The following LOC112694756 variants were observed in gnomAD, a reference collection of about 807,000 sequenced individuals.
the LOC112694756 span, among the ~76,000 whole-genome samples, chr16:30,061,045 C>T: frequency 2.0e-5 from 3 of 152,260 alleles, no homozygotes; most frequent in Non-Finnish European, 4.4e-5. Flanking sequence ...GTGACTGTCA[C>T]TACCTCTGCC....
the LOC112694756 span, among the ~76,000 whole-genome samples, chr16:30,065,172 G>A: frequency 4.6e-5 from 7 of 152,218 alleles, no homozygotes; most frequent in Non-Finnish European, 7.3e-5. Context: ...CGCTAGTTCC[G>A]CCGCCTTCTC....
the LOC112694756 span, among the ~76,000 whole-genome samples, chr16:30,053,820 G>C: frequency 1.3e-5 from 2 of 152,172 alleles, no homozygotes; most frequent in African/African-American, 2.4e-5. Context: ...TTTGGAAGAG[G>C]GGGAGGGAGA....
chr16:30,057,416 A>G, the LOC112694756 span, among the ~76,000 whole-genome samples: 1 of 152,202 alleles, frequency 6.6e-6, no homozygotes, highest in African/African-American at 2.4e-5. Flanking sequence ...TCAGGGGAGA[A>G]GCCTGGCTTG....
At chr16:30,068,380 T>C in the LOC112694756 span, 1 of 501,536 alleles carries the variant, frequency 2.0e-6, no homozygotes, top group African/African-American at 1.9e-5. Flanking sequence ...ACTAAATATT[T>C]TAATTGTAAC....
the LOC112694756 span, chr16:30,068,897 G>T: frequency 1.2e-6 from 2 of 1,614,244 alleles, no homozygotes; most frequent in Non-Finnish European, 1.7e-6. Flanking sequence ...GTGTGCTGAA[G>T]ATTGGGGAAC....
At chr16:30,069,453 T>C in the LOC112694756 span, 1 of 1,613,908 alleles carries the variant, frequency 6.2e-7, no homozygotes. Context: ...CTAACCCCTA[T>C]CCTCTCCTCC....
chr16:30,069,335 G>C, the LOC112694756 span: 1 of 1,614,200 alleles, frequency 6.2e-7, no homozygotes. Context: ...TGGAGCCTGA[G>C]ATCCTCCCTG....
the LOC112694756 span, chr16:30,070,322 TC>T: frequency 9.9e-7 from 1 of 1,010,124 alleles, no homozygotes; most frequent in Non-Finnish European, 1.5e-6. Context: ...CGCTCTTTCT[TC>T]CCTCGTGACA....
the LOC112694756 span, among the ~76,000 whole-genome samples, chr16:30,065,021 A>G: frequency 6.6e-6 from 1 of 152,260 alleles, no homozygotes; most frequent in East Asian, 1.9e-4. Context: ...CGGCCGGTGC[A>G]TAGCCGCGCA....
At chr16:30,056,916 T>G in the LOC112694756 span, among the ~76,000 whole-genome samples, 1 of 149,010 alleles carries the variant, frequency 6.7e-6, no homozygotes, top group Non-Finnish European at 1.5e-5. Flanking sequence ...TTGCCCTTTT[T>G]TTTTTTTTTT....
the LOC112694756 span, chr16:30,069,863 A>G: frequency 6.2e-7 from 1 of 1,614,116 alleles, no homozygotes; most frequent in Non-Finnish European, 8.5e-7. Context: ...CAGAGTGAGG[A>G]GGAGGCGTCC....
At chr16:30,067,650 G>T in the LOC112694756 span, 12 of 1,614,158 alleles carry the variant, frequency 7.4e-6, no homozygotes, top group Non-Finnish European at 1.0e-5. Context: ...GGGCGGTGTT[G>T]TGGGCATCAA....
At chr16:30,059,108 TG>T in the LOC112694756 span, 22 of 398,124 alleles carry the variant, frequency 5.5e-5, no homozygotes, top group East Asian at 7.8e-4. Flanking sequence ...AGGTCTGGGC[TG>T]GGGCTAGAGT....
the LOC112694756 span, among the ~76,000 whole-genome samples, chr16:30,056,806 G>T: frequency 6.6e-6 from 1 of 151,908 alleles, no homozygotes; most frequent in Admixed American, 6.6e-5. Flanking sequence ...TCATGTTGTT[G>T]CCCAGGCTGG....
chr16:30,067,787 T>G, the LOC112694756 span: 2 of 1,071,688 alleles, frequency 1.9e-6, no homozygotes, highest in Non-Finnish European at 2.8e-6. Context: ...GCTTCAGGCT[T>G]AGGGCATTTA....
chr16:30,060,101 C>T, the LOC112694756 span, among the ~76,000 whole-genome samples: 1 of 152,026 alleles, frequency 6.6e-6, no homozygotes, highest in African/African-American at 2.4e-5. Context: ...ACCTCAGCCT[C>T]CCAAGTAGCT....
At chr16:30,069,633 C>T in the LOC112694756 span, 92 of 1,613,850 alleles carry the variant, frequency 5.7e-5, no homozygotes, top group East Asian at 6.2e-4. Context: ...CCATGGCGAC[C>T]GTCACAGCGC....
chr16:30,056,253 C>T, the LOC112694756 span, among the ~76,000 whole-genome samples: 2 of 146,068 alleles, frequency 1.4e-5, no homozygotes, highest in African/African-American at 2.5e-5. Context: ...GGAATACAGG[C>T]GTGTGCCACC....
At chr16:30,069,821 G>T in the LOC112694756 span, 3 of 1,614,048 alleles carry the variant, frequency 1.9e-6, no homozygotes, top group Admixed American at 5.0e-5. Context: ...CCTCACCCCT[G>T]CTCTACAGGG....
Sources: allele counts gnomAD v4.1 joint callset (sites outside exome capture counted in the v4.1 genomes callset), GRCh38; gene constraint gnomAD v4.1.1; transcripts MANE v1.5.